The following RSRC1 variants were observed in gnomAD, a reference collection of about 807,000 sequenced individuals.
RSRC1 encodes serine/Arginine-related protein 53.
Under a neutral mutation model 49.1 loss-of-function variants are expected in RSRC1, and 39 were observed. The ratio of observed to expected loss-of-function variants is 0.79; its 90% CI spans 0.61 to 1.04. RSRC1 has a LOEUF of 1.04. Ranked by LOEUF, RSRC1 falls within the 50% of genes least tolerant of loss-of-function variation. RSRC1 has a pLI of 0.00. For synonymous variants in RSRC1, 143 were observed against 130.8 expected, an observed-to-expected ratio of 1.09 and a Z score of -0.63; for missense variants, 388 against 402.4, an observed-to-expected ratio of 0.96 and a Z score of 0.31.
intron 4 of RSRC1, among the ~76,000 whole-genome samples, chr3:158,280,564 TG>T (rs1251050098): frequency 6.6e-6 from 1 of 150,544 alleles, no homozygotes; most frequent in African/African-American, 2.4e-5. Flanking sequence ...TGTGTGTGTG[TG>T]GTGGGGGGCA....
chr3:158,494,578 A>T (rs914272933), intron 7 of RSRC1, among the ~76,000 whole-genome samples: 5 of 152,234 alleles, frequency 3.3e-5, no homozygotes, highest in African/African-American at 7.2e-5. Flanking sequence ...AATTAAATTT[A>T]AATTTTAAAA....
At chr3:158,186,273 C>G (rs1446964358) in intron 3 of RSRC1, among the ~76,000 whole-genome samples, 1 of 151,976 alleles carries the variant, frequency 6.6e-6, no homozygotes, top group Non-Finnish European at 1.5e-5. Flanking sequence ...TTTGTTTCAA[C>G]TCTGTCTCTG....
At chr3:158,396,912 A>T (rs1480121004) in intron 6 of RSRC1, among the ~76,000 whole-genome samples, 1 of 152,178 alleles carries the variant, frequency 6.6e-6, no homozygotes, top group Non-Finnish European at 1.5e-5. Flanking sequence ...CACTCCATGA[A>T]GAGATACCTT....
intron 6 of RSRC1, among the ~76,000 whole-genome samples, chr3:158,403,158 A>G (rs1326880100): frequency 6.6e-6 from 1 of 151,846 alleles, no homozygotes; most frequent in Non-Finnish European, 1.5e-5. Context: ...CTACAATAAC[A>G]GCAATGGGTT....
intron 6 of RSRC1, among the ~76,000 whole-genome samples, chr3:158,456,047 A>G (rs567168055): frequency 1.1e-4 from 16 of 148,998 alleles, no homozygotes; most frequent in African/African-American, 3.7e-4. Flanking sequence ...AATTTTCTAA[A>G]TCCTTTTCGT....
intron 7 of RSRC1, among the ~76,000 whole-genome samples, chr3:158,515,853 C>A (rs560083479): frequency 2.0e-5 from 3 of 152,222 alleles, no homozygotes; most frequent in African/African-American, 7.2e-5. Context: ...TTCATTTCAT[C>A]TTCCATCGCT....
intron 5 of RSRC1, among the ~76,000 whole-genome samples, chr3:158,334,957 C>T (rs1729802261): frequency 6.6e-6 from 1 of 152,016 alleles, no homozygotes; most frequent in Non-Finnish European, 1.5e-5. Flanking sequence ...AGTTTTTTTC[C>T]TATCTCTTTG....
chr3:158,147,200 C>T (rs1268242133), intron 3 of RSRC1, among the ~76,000 whole-genome samples: 1 of 137,312 alleles, frequency 7.3e-6, no homozygotes, highest in African/African-American at 2.7e-5. Context: ...TAAATCTCTA[C>T]CCGCTAAAAG....
chr3:158,302,455 C>A (rs144906416), intron 5 of RSRC1, among the ~76,000 whole-genome samples: 1 of 151,296 alleles, frequency 6.6e-6, no homozygotes, highest in South Asian at 2.1e-4. Context: ...GATGAATAAT[C>A]GCTTATAGAT....
chr3:158,511,322 G>A (rs1026573387), intron 7 of RSRC1, among the ~76,000 whole-genome samples: 2 of 151,652 alleles, frequency 1.3e-5, no homozygotes, highest in Non-Finnish European at 2.9e-5. Context: ...TGTTCTCTGT[G>A]TCCATGTGTT....
chr3:158,326,604 C>G (rs951725608), intron 5 of RSRC1, among the ~76,000 whole-genome samples: 1 of 151,936 alleles, frequency 6.6e-6, no homozygotes, highest in Non-Finnish European at 1.5e-5. Flanking sequence ...TGGATAAGCT[C>G]TTTGATGTGC....
intron 4 of RSRC1, among the ~76,000 whole-genome samples, chr3:158,262,976 C>A (rs1476511280): frequency 6.6e-6 from 1 of 151,944 alleles, no homozygotes; most frequent in African/African-American, 2.4e-5. Flanking sequence ...GCTCATGTTG[C>A]CTGTAATAAA....
At chr3:158,510,847 A>G (rs1560069903) in intron 7 of RSRC1, among the ~76,000 whole-genome samples, 3 of 152,100 alleles carry the variant, frequency 2.0e-5, no homozygotes, top group African/African-American at 7.2e-5. Context: ...GTTATTTTTA[A>G]TCTTTGTTCT....
intron 4 of RSRC1, among the ~76,000 whole-genome samples, chr3:158,281,452 G>T (rs1475238638): frequency 6.6e-6 from 1 of 152,040 alleles, no homozygotes; most frequent in African/African-American, 2.4e-5. Flanking sequence ...AATGCTGTGT[G>T]TGAGGGTGAG....
At chr3:158,281,783 T>A (rs778703686) in intron 4 of RSRC1, among the ~76,000 whole-genome samples, 5 of 152,192 alleles carry the variant, frequency 3.3e-5, no homozygotes, top group Admixed American at 2.6e-4. Flanking sequence ...GAACCACTGA[T>A]GACTTTAGCC....
rs115312660 is a variant in RSRC1 at position 158,539,317 on chromosome 3, A to G, written c.759+2119A>G. ...TTTTACCAGAAAAGTGGCTATTACCAGTGACATGCTAGACATTGTGTCTCC... is the reference window on the plus strand; with the variant it reads ...TTTTACCAGAAAAGTGGCTATTACCGGTGACATGCTAGACATTGTGTCTCC... On this transcript the variant is annotated intron_variant, in intron 8 of 9. Coordinates refer to ENST00000611884, the MANE Select transcript of RSRC1 (RefSeq NM_001271838.2). This position sits in a 1 kb window ranked among gnomAD's most constrained non-coding sequence, Gnocchi z 4.1. Among the ~76,000 whole-genome samples the G allele has an allele frequency of 0.012, 1,754 of 152,216 alleles. 44 individuals carry two copies. The highest frequency in any genetic ancestry group is 0.04 in the African/African-American group (1,665 of 41,566).
At chr3:158,173,002 T>G (rs952533966) in intron 3 of RSRC1, among the ~76,000 whole-genome samples, 3 of 152,048 alleles carry the variant, frequency 2.0e-5, no homozygotes, top group Non-Finnish European at 4.4e-5. Flanking sequence ...TAACCTTGTT[T>G]CAGTTTTTAC....
chr3:158,239,021 GA>G (rs946825127), intron 4 of RSRC1, among the ~76,000 whole-genome samples: 6 of 149,648 alleles, frequency 4.0e-5, no homozygotes, highest in Admixed American at 1.3e-4. Context: ...AAATTTACAA[GA>G]AAAAAAAACC....
At chr3:158,421,119 C>T (rs1735022990) in intron 6 of RSRC1, among the ~76,000 whole-genome samples, 1 of 151,774 alleles carries the variant, frequency 6.6e-6, no homozygotes, top group Non-Finnish European at 1.5e-5. Flanking sequence ...TCAGGGAAGT[C>T]CCAGGCAAGC....
Sources: gnomAD v4.1 joint callset for allele counts (sites outside exome capture counted in the v4.1 genomes callset) on GRCh38, gnomAD v4.1.1 for gene constraint, Gnocchi (gnomAD v3.1) non-coding constraint, MANE v1.5 for transcripts, NCBI Gene and HGNC (gene_info 2026-07-23, HGNC 2026-07-21) for gene names.